Variants in CCDC191 observed in about 807,000 individuals in gnomAD.
CCDC191 encodes the protein coiled-coil domain containing 191, also known as coiled-coil domain-containing protein 191.
CCDC191 carries 99 observed loss-of-function variants against 114.0 expected under a neutral mutation model. The ratio of observed to expected loss-of-function variants is 0.87; its 90% confidence interval spans 0.74 to 1.03. The LOEUF is 1.03. Among genes scored for constraint, CCDC191 ranks in the 50% least tolerant of loss-of-function variants. The probability of loss-of-function intolerance (pLI) is 0.00; values close to 1 mark genes in which losing one functional copy is unlikely to be tolerated. For synonymous variants in CCDC191, 351 were observed against 376.0 expected, an observed-to-expected ratio of 0.93 and a Z score of 0.77; for missense variants, 973 against 1,087.0, an observed-to-expected ratio of 0.90 and a Z score of 1.47.
rs752130940 is a variant in CCDC191, at chr3:113,979,036, A to G, written c.2308-26T>C. The G allele has an allele frequency of 3.1e-6, 5 of 1,601,490 alleles. No homozygotes were observed. The South Asian group carries it at 3.3e-5, about 11-fold the overall frequency. On this transcript the variant is annotated intron_variant, in intron 14 of 16. Transcript: ENST00000295878. ...CTGGACAATTTTTTAAATGAGAAAT[A>G]TTATTCCTTAAATTTTAAATCATTT...
intron 13 of CCDC191, among the ~76,000 whole-genome samples, chr3:113,988,049 A>G (rs2075425309): frequency 6.6e-6 from 1 of 150,548 alleles, no homozygotes; most frequent in Non-Finnish European, 1.5e-5. Flanking sequence ...CTCAATATAT[A>G]TATATATATA....
In CCDC191 at chr3:113,979,018, A is replaced by G. The variant is rs530608137; in HGVS notation, c.2308-8T>C. 126 of 1,611,260 alleles carry G rather than the reference A, an allele frequency of 7.8e-5. No individual in the cohort carries two copies. Among genetic ancestry groups the G allele is most frequent in the Middle Eastern group, 4.9e-4 (3 of 6,068 alleles). ...GTAATGTTCTTCTGCCACCTGGACAATTTTTTAAATGAGAAATATTATTCC... is the reference window on the plus strand; with the variant it reads ...GTAATGTTCTTCTGCCACCTGGACAGTTTTTTAAATGAGAAATATTATTCC... On this transcript the variant is annotated splice_region_variant and splice_polypyrimidine_tract_variant and intron_variant, in intron 14 of 16. Transcript: ENST00000295878.
At position 114,047,078 on chromosome 3, in the gene CCDC191, T is replaced by A. The variant is rs1029228706; in HGVS notation, c.130-346A>T. 8.3e-5 allele frequency: 80 copies of A among 967,110 alleles called. 1 individual carries two copies. In the African/African-American group the frequency reaches 1.3e-3, roughly 15 times the overall value. The allele number at this position is 967,110 out of a possible 1,614,324, so 59.9% of individuals were successfully genotyped here. A position where few individuals can be genotyped will look rare whatever the true frequency, so the allele number is the denominator to read the frequency against. On this transcript the variant is annotated intron_variant, in intron 2 of 16. Coordinates refer to ENST00000295878, the MANE Select transcript of CCDC191 (RefSeq NM_020817.2). ...TTTAAATAAAAAATATTATATTTTA[T>A]TAGTTTTCATGCCCTTAGGACTTGC...
chr3:114,043,261 G>A (rs2107749570), intron 3 of CCDC191, among the ~76,000 whole-genome samples: 1 of 152,280 alleles, frequency 6.6e-6, no homozygotes, highest in Admixed American at 6.5e-5. Flanking sequence ...TACAGTGTTG[G>A]AAAAACAGCA....
chr3:114,052,669 G>T (rs1003393160), intron 2 of CCDC191, among the ~76,000 whole-genome samples: 1 of 152,178 alleles, frequency 6.6e-6, no homozygotes, highest in Non-Finnish European at 1.5e-5. Flanking sequence ...GGCAGGGACT[G>T]TACCTGCTCT....
At position 114,046,600 on chromosome 3, in the gene CCDC191, A is replaced by G; in HGVS notation, c.262T>C (p.Tyr88His). 1 of 1,582,846 alleles carries G rather than the reference A, an allele frequency of 6.3e-7. No individual in the cohort carries two copies. The change falls in exon 3 of 17, where the codon TAT becomes CAT. Residue 88 changes from tyrosine (Y) to histidine (H), a missense_variant. By Grantham distance (83) the Tyr-to-His change is moderately conservative (BLOSUM62 2). Coordinates refer to ENST00000295878, the MANE Select transcript of CCDC191 (RefSeq NM_020817.2). ...SEQIEDHDEI[Y>H]AEAQELVNDW... ...AAATGCATTCTCTTACCTTCTGCATAGATTTCATCATGATCCTCTATTTGC... is the reference window on the plus strand; with the variant it reads ...AAATGCATTCTCTTACCTTCTGCATGGATTTCATCATGATCCTCTATTTGC...
At chr3:114,028,440 C>T (rs2076356701) in intron 7 of CCDC191, among the ~76,000 whole-genome samples, 1 of 151,964 alleles carries the variant, frequency 6.6e-6, no homozygotes, top group African/African-American at 2.4e-5. Flanking sequence ...CGCCCGCCAC[C>T]ATGCCTGGCT....
At chr3:114,055,458 T>C (rs2076758667) in intron 1 of CCDC191, among the ~76,000 whole-genome samples, 1 of 152,240 alleles carries the variant, frequency 6.6e-6, no homozygotes, top group African/African-American at 2.4e-5. Context: ...GGGCAACATA[T>C]TTGTCATGTG....
chr3:113,999,852 GT>G (rs749076926), intron 13 of CCDC191, among the ~76,000 whole-genome samples: 9 of 152,064 alleles, frequency 5.9e-5, no homozygotes, highest in South Asian at 4.1e-4. Context: ...TGCTATTTAA[GT>G]TATTTAAGTA....
chr3:114,001,523 G>T, intron 13 of CCDC191, 72 bp downstream of exon 13: 1 of 1,557,398 alleles, frequency 6.4e-7, no homozygotes, highest in Non-Finnish European at 8.7e-7. Flanking sequence ...GGTTAAAGAA[G>T]GTGGATAGGG....
chr3:113,977,282 G>A (rs139647729), intron 16 of CCDC191, among the ~76,000 whole-genome samples: 99 of 152,130 alleles, frequency 6.5e-4, no homozygotes, highest in African/African-American at 2.3e-3. Flanking sequence ...GAGTAATGTT[G>A]AGAAAAGGGG....
chr3:114,034,901 A>G (rs768570680), intron 6 of CCDC191, 24 bp downstream of exon 6: 2 of 1,595,980 alleles, frequency 1.3e-6, no homozygotes, highest in Non-Finnish European at 1.7e-6. Flanking sequence ...GAGAAACCCC[A>G]CAGTGCTTAT....
chr3:114,013,195 G>A (rs1156894440), intron 8 of CCDC191, among the ~76,000 whole-genome samples: 2 of 151,930 alleles, frequency 1.3e-5, no homozygotes, highest in Non-Finnish European at 2.9e-5. Context: ...GCAGTGAGCC[G>A]AGATTGTGCC....
intron 7 of CCDC191, among the ~76,000 whole-genome samples, chr3:114,021,838 G>C (rs1030599307): frequency 6.6e-6 from 1 of 152,104 alleles, no homozygotes; most frequent in African/African-American, 2.4e-5. Context: ...GAGAACTTAA[G>C]TTTTAACTAG....
At chr3:114,046,304 A>T (rs1280006072) in intron 3 of CCDC191, among the ~76,000 whole-genome samples, 2 of 152,256 alleles carry the variant, frequency 1.3e-5, no homozygotes, top group Admixed American at 1.3e-4. Context: ...GATCAAATTA[A>T]CATGCTACCA....
At chr3:114,037,939 A>G (rs886476277) in intron 4 of CCDC191, among the ~76,000 whole-genome samples, 1 of 152,216 alleles carries the variant, frequency 6.6e-6, no homozygotes, top group Admixed American at 6.5e-5. Flanking sequence ...AACCCACAAA[A>G]CATAGGCTTT....
intron 13 of CCDC191, among the ~76,000 whole-genome samples, chr3:113,982,385 A>G (rs933414612): frequency 2.6e-5 from 4 of 152,150 alleles, no homozygotes; most frequent in African/African-American, 9.7e-5. Context: ...CATTAATATT[A>G]CCACATTTTC....
intron 10 of CCDC191, among the ~76,000 whole-genome samples, chr3:114,005,242 C>A (rs2075930222): frequency 6.6e-6 from 1 of 152,186 alleles, no homozygotes; most frequent in Admixed American, 6.5e-5. Flanking sequence ...AGCAAGACAG[C>A]ATTTTTCTCT....
At chr3:114,019,078 C>A (rs2076207904) in intron 7 of CCDC191, among the ~76,000 whole-genome samples, 1 of 152,110 alleles carries the variant, frequency 6.6e-6, no homozygotes, top group Non-Finnish European at 1.5e-5. Flanking sequence ...GCATTCTCAG[C>A]CTCACAACTT....
Sources: gnomAD v4.1 joint callset for allele counts (sites outside exome capture counted in the v4.1 genomes callset) on GRCh38, gnomAD v4.1.1 for gene constraint, MANE v1.5 for transcripts, NCBI Gene and HGNC (gene_info 2026-07-23, HGNC 2026-07-21) for gene names.